The following AKNA variants were observed in gnomAD, a reference collection of about 807,000 sequenced individuals.
AKNA encodes AT-hook transcription factor.
A neutral mutation model predicts 138.8 loss-of-function variants in AKNA; 67 were observed. The ratio of observed to expected loss-of-function variants is 0.48; its 90% confidence interval spans 0.40 to 0.59. The LOEUF is 0.59. Among genes scored for constraint, AKNA ranks in the 20% least tolerant of loss-of-function variants. The pLI, the probability that AKNA is intolerant of heterozygous loss-of-function variation, is 0.00. For synonymous variants in AKNA, 737 were observed against 754.4 expected (o/e 0.98, Z 0.38); for missense variants, 1,813 against 1,880.4 (o/e 0.96, Z 0.66).
Position 114,337,012 on chromosome 9 carries a change from T to TTGGGGGGGGGGGGGGC in AKNA, c.*41_*42insGCCCCCCCCCCCCCCA. 6 of 1,208,224 alleles carry TTGGGGGGGGGGGGGGC rather than the reference T, an allele frequency of 5.0e-6. No individual in the cohort carries two copies. Among genetic ancestry groups the TTGGGGGGGGGGGGGGC allele is most frequent in the Non-Finnish European group, 6.5e-6 (6 of 929,350 alleles). The allele number at this position is 1,208,224 out of a possible 1,614,324, so 74.8% of individuals were successfully genotyped here. Reference sequence around the variant, plus strand: ...CCCACTCCTGGCCTGGCAGGCCACCTGCCCACCCACCCACCCATCTGCCTC... The same window carrying TTGGGGGGGGGGGGGGC: ...CCCACTCCTGGCCTGGCAGGCCACCTTGGGGGGGGGGGGGGCGCCCACCCACCCACCCATCTGCCTC... On this transcript the variant is annotated 3_prime_UTR_variant, in exon 22 of 22. Coordinates refer to ENST00000374088, the MANE Select transcript of AKNA (RefSeq NM_001317950.2).
chr9:114,358,320 G>T, intron 11 of AKNA, 153 bp from the exon 12 acceptor site: 2 of 1,037,052 alleles, frequency 1.9e-6, no homozygotes, highest in Non-Finnish European at 2.7e-6. Flanking sequence ...CTAGCTGTGT[G>T]ACCTAGGGCA....
At chr9:114,370,368 C>T (rs1234190626) in intron 4 of AKNA, among the ~76,000 whole-genome samples, 1 of 152,246 alleles carries the variant, frequency 6.6e-6, no homozygotes, top group Non-Finnish European at 1.5e-5. Flanking sequence ...TTTCCCTCCC[C>T]AGACCCCTCT....
chr9:114,350,227 G>A (rs1289826741), intron 15 of AKNA, among the ~76,000 whole-genome samples: 4 of 152,176 alleles, frequency 2.6e-5, no homozygotes. Context: ...ACCAGCAGCT[G>A]GACACAACTT....
downstream of AKNA, among the ~76,000 whole-genome samples, chr9:114,332,533 T>A (rs1829873027): frequency 6.6e-6 from 1 of 152,076 alleles, no homozygotes; most frequent in Admixed American, 6.5e-5. Context: ...ATGCAGTACT[T>A]CCATGACTAT....
rs1449614920 is a variant in AKNA at position 114,377,518 on chromosome 9, C to T, written c.289G>A (p.Asp97Asn). The T allele has an allele frequency of 6.2e-7, 1 of 1,602,886 alleles. No individual in the cohort carries two copies. Among genetic ancestry groups the T allele is most frequent in the Non-Finnish European group, 8.5e-7 (1 of 1,174,514 alleles). Residue 97 changes from aspartate to asparagine, a missense_variant, in exon 3 of 22, where the codon GAT becomes AAT. Coordinates refer to ENST00000374088, the MANE Select transcript of AKNA (RefSeq NM_001317950.2). Reference protein sequence around the residue: ...ETSGEEAEAEDVDSPASSHEP... With the variant: ...ETSGEEAEAENVDSPASSHEP... ...TGGGAACTTGCTGGGCTGTCCACAT[C>T]CTCTGCTTCAGCCTCTGGAAAGACA...
At position 114,342,102 on chromosome 9, in the gene AKNA, G is replaced by C; in HGVS notation, c.3781C>G (p.Leu1261Val). ...AGGGTATCAGCGGGAGGCGGTCCCA[G>C]TGGGTCCCCTGTGACAGCACCACCT... ...DAGGAVTGDP[L>V]GPPPADTLQC... is the part of the protein sequence containing the mutation. The change falls in exon 20 of 22, where the codon CTG becomes GTG. Residue 1261 changes from leucine to valine, a missense_variant. Leu to Val is a conservative substitution (Grantham distance 32). Transcript: ENST00000374088. The C allele has an allele frequency of 1.2e-6, 2 of 1,606,168 alleles. No individual in the cohort carries two copies. Among genetic ancestry groups the C allele is most frequent in the Non-Finnish European group, 1.7e-6 (2 of 1,176,840 alleles).
At position 114,366,755 on chromosome 9, in the gene AKNA, G is replaced by A. The variant is rs375731255; in HGVS notation, c.1728+788C>T. Reference sequence around the variant, plus strand: ...GGAAGGGAGAGGAGAGGAGAGGAGGGAAGGGAAGGGAAGAATAAAATGGTG... The same window carrying A: ...GGAAGGGAGAGGAGAGGAGAGGAGGAAAGGGAAGGGAAGAATAAAATGGTG... On this transcript the variant is annotated intron_variant, in intron 6 of 21. Coordinates refer to ENST00000374088, the MANE Select transcript of AKNA (RefSeq NM_001317950.2). Among the ~76,000 whole-genome samples the A allele has an allele frequency of 5.3e-5, 8 of 151,282 alleles. No individual in the cohort carries two copies. The East Asian group carries it at 1.2e-3, about 22-fold the overall frequency.
intron 20 of AKNA, 57 bp from the exon 21 acceptor site, chr9:114,341,782 C>T (rs1830372038): frequency 6.6e-7 from 1 of 1,513,900 alleles, no homozygotes; most frequent in African/African-American, 1.4e-5. Context: ...CAGATCCAGC[C>T]AAAGATGGAG....
In AKNA at chr9:114,368,510, G is replaced by A. The variant is rs1029265570; in HGVS notation, c.1502C>T (p.Thr501Ile). 1 of 1,374,266 alleles carries A rather than the reference G, an allele frequency of 7.3e-7. No homozygotes were observed. 85.1% of individuals were successfully genotyped at this position (1,374,266 alleles called of 1,614,324 possible). Residue 501 changes from threonine (T) to isoleucine (I), a missense_variant, in exon 5 of 22, where the codon ACC (threonine) becomes ATC (isoleucine). Thr to Ile is a moderately conservative substitution (Grantham distance 89). Transcript: ENST00000374088. ...CTCTGCAGAGCGGGGCTGTGGGATGGTGAAGGACAAGACCTTGGTCCCCTG... is the reference window on the plus strand; with the variant it reads ...CTCTGCAGAGCGGGGCTGTGGGATGATGAAGGACAAGACCTTGGTCCCCTG... Reference protein sequence around the residue: ...VPQGTKVLSFTIPQPRSAEWW... With the variant: ...VPQGTKVLSFIIPQPRSAEWW...
In AKNA at chr9:114,341,741, C is replaced by T. The variant is rs200313008; in HGVS notation, c.3875-16G>A. The T allele has an allele frequency of 3.1e-4, 484 of 1,546,740 alleles. No individual in the cohort carries two copies. Among genetic ancestry groups the T allele is most frequent in the Non-Finnish European group, 3.8e-4 (442 of 1,151,334 alleles). On this transcript the variant is annotated splice_polypyrimidine_tract_variant and intron_variant, in intron 20 of 21. Transcript: ENST00000374088. ...TTCTCTGCCCCTATCAGGGAGGGAA[C>T]AGCACAGAGAGACAGAGTCTGACCA...
At chr9:114,384,809 T>C (rs1315603695) in intron 1 of AKNA, among the ~76,000 whole-genome samples, 2 of 152,234 alleles carry the variant, frequency 1.3e-5, no homozygotes, top group Admixed American at 1.3e-4. Context: ...AAGCAGATTT[T>C]TGACTGCATG....
chr9:114,361,584 T>C, intron 9 of AKNA, 120 bp downstream of exon 9: 1 of 1,110,356 alleles, frequency 9.0e-7, no homozygotes, highest in Non-Finnish European at 1.3e-6. Context: ...TATTTACATA[T>C]TTGGCACACA....
chr9:114,341,959 C>A, intron 20 of AKNA, 50 bp downstream of exon 20: 1 of 1,546,774 alleles, frequency 6.5e-7, no homozygotes, highest in South Asian at 1.1e-5. Context: ...TAACCCTGGT[C>A]AAGGAGAGCT....
At chr9:114,380,811 T>TA (rs1383253282) in intron 2 of AKNA, among the ~76,000 whole-genome samples, 5,019 of 92,160 alleles carry the variant, frequency 0.054, 497 homozygotes, top group African/African-American at 0.18. Context: ...CCGTCTCTAC[T>TA]AAAAAAAGAA....
rs2131736081 is a variant in AKNA, at chr9:114,334,737, G to A, written c.*2317C>T. The A allele has an allele frequency of 6.8e-6, 1 of 146,860 alleles. No homozygotes were observed. Among genetic ancestry groups the A allele is most frequent in the East Asian group, 1.9e-4 (1 of 5,180 alleles). The allele number at this position is 146,860 out of a possible 1,614,324, so 9.1% of individuals were successfully genotyped here. A position where few individuals can be genotyped will look rare whatever the true frequency, so the allele number is the denominator to read the frequency against. On this transcript the variant is annotated 3_prime_UTR_variant, in exon 22 of 22. Transcript: ENST00000374088. Reference sequence around the variant, plus strand: ...GAATTGTTTGAGCAATTCCACGTGTGCAGCTGCGTATACCATCCAGGGTGA... The same window carrying A: ...GAATTGTTTGAGCAATTCCACGTGTACAGCTGCGTATACCATCCAGGGTGA...
chr9:114,375,234 G>A (rs1412344120), intron 3 of AKNA, among the ~76,000 whole-genome samples: 1 of 152,216 alleles, frequency 6.6e-6, no homozygotes, highest in Non-Finnish European at 1.5e-5. Context: ...AGAGACCACA[G>A]CACATCAGCA....
intron 13 of AKNA, among the ~76,000 whole-genome samples, chr9:114,356,542 G>A (rs1436500591): frequency 1.3e-5 from 2 of 152,100 alleles, no homozygotes; most frequent in African/African-American, 2.4e-5. Context: ...CACCCTGAGT[G>A]CCCTTTGCCC....
At position 114,342,029 on chromosome 9, in the gene AKNA, C is replaced by G; in HGVS notation, c.3854G>C (p.Gly1285Ala). The change falls in exon 20 of 22, where the codon GGT (glycine) becomes GCT (alanine). Residue 1285 changes from glycine (G) to alanine (A), a missense_variant. Coordinates refer to ENST00000374088, the MANE Select transcript of AKNA (RefSeq NM_001317950.2). ...CCTACCAGAGGTGGCTGAGCCTGGA[C>G]CATCTGCCTCTGGGGGAGACCCAAC... ...GQVGSPPEADGPGSATSGAEK... is the reference protein window; with the variant it reads ...GQVGSPPEADAPGSATSGAEK... 6.2e-7 allele frequency: 1 copy of G among 1,614,034 alleles called. No homozygotes were observed. The highest frequency in any genetic ancestry group is 1.1e-5 in the South Asian group (1 of 91,086).
chr9:114,346,112 G>A (rs144615531), intron 17 of AKNA, 103 bp from the exon 18 acceptor site: 23 of 1,196,982 alleles, frequency 1.9e-5, no homozygotes, highest in Middle Eastern at 4.2e-4. Flanking sequence ...GGATGCCTGG[G>A]TTTTAATCCC....
Sources: gnomAD v4.1 joint callset for allele counts (sites outside exome capture counted in the v4.1 genomes callset) on GRCh38, gnomAD v4.1.1 for gene constraint, MANE v1.5 for transcripts, NCBI Gene and HGNC (gene_info 2026-07-23, HGNC 2026-07-21) for gene names.